The following PIWIL3 variants were observed in gnomAD, a reference collection of about 807,000 sequenced individuals.
PIWIL3 encodes piwi-like protein 3.
Under a neutral mutation model 109.7 loss-of-function variants are expected in PIWIL3, and 101 were observed. The observed-to-expected ratio is 0.92, with a 90% CI of 0.78 to 1.09. The LOEUF is 1.09. Among genes scored for constraint, PIWIL3 ranks in the 50% least tolerant of loss-of-function variants. The pLI, the probability that PIWIL3 is intolerant of heterozygous loss-of-function variation, is 0.00. For synonymous variants in PIWIL3, 373 were observed against 376.4 expected (o/e 0.99, Z 0.10); for missense variants, 1,031 against 1,072.6 (o/e 0.96, Z 0.54).
chr22:24,755,717 T>C, intron 6 of PIWIL3, 67 bp downstream of exon 6: 1 of 1,587,466 alleles, frequency 6.3e-7, no homozygotes, highest in Non-Finnish European at 8.6e-7. Context: ...CAAATGGCTG[T>C]ATTCCACACC....
chr22:24,734,245 T>C (rs940152225), intron 13 of PIWIL3, 89 bp from the exon 14 acceptor site: 4 of 1,514,546 alleles, frequency 2.6e-6, no homozygotes, highest in Non-Finnish European at 3.5e-6. Flanking sequence ...AAGTAAGACA[T>C]GATAAAATAC....
At chr22:24,767,913 T>G (rs1467133775) in intron 1 of PIWIL3, among the ~76,000 whole-genome samples, 1 of 152,176 alleles carries the variant, frequency 6.6e-6, no homozygotes, top group East Asian at 1.9e-4. Flanking sequence ...CCAACCTCCT[T>G]TGCCCCTCAC....
chr22:24,761,001 G>C (rs571592101), intron 2 of PIWIL3, among the ~76,000 whole-genome samples: 3 of 152,170 alleles, frequency 2.0e-5, no homozygotes, highest in Admixed American at 2.0e-4. Context: ...AGAAGGGCTT[G>C]AGGTCATGGA....
intron 1 of PIWIL3, among the ~76,000 whole-genome samples, chr22:24,764,141 C>G (rs546876911): frequency 6.6e-6 from 1 of 152,368 alleles, no homozygotes; most frequent in Admixed American, 6.5e-5. Flanking sequence ...CGCCCCCGCC[C>G]CAATTCAATT....
intron 8 of PIWIL3, among the ~76,000 whole-genome samples, chr22:24,753,002 T>TTG (rs1292696413): frequency 3.3e-5 from 5 of 152,242 alleles, no homozygotes; most frequent in African/African-American, 1.2e-4. Flanking sequence ...ATCAGATCTT[T>TTG]TGTCCATTTT....
intron 19 of PIWIL3, among the ~76,000 whole-genome samples, chr22:24,722,879 C>T (rs573667845): frequency 9.9e-5 from 15 of 152,260 alleles, no homozygotes; most frequent in Non-Finnish European, 1.5e-4. Flanking sequence ...TAGGGCCACA[C>T]TGAAGTTAAA....
chr22:24,736,219 G>C (rs1923647917), intron 12 of PIWIL3, among the ~76,000 whole-genome samples: 1 of 152,070 alleles, frequency 6.6e-6, no homozygotes, highest in Admixed American at 6.6e-5. Flanking sequence ...ACCAACTAGG[G>C]TCCTTCCACT....
chr22:24,760,070 A>G (rs1925329590), intron 2 of PIWIL3, 81 bp from the exon 3 acceptor site: 9 of 1,553,958 alleles, frequency 5.8e-6, no homozygotes, highest in African/African-American at 1.4e-5. Context: ...GCAGGGCACA[A>G]GGCAAAGGAA....
intron 14 of PIWIL3, 88 bp from the exon 15 acceptor site, chr22:24,728,462 G>A (rs1923129770): frequency 6.7e-7 from 1 of 1,489,260 alleles, no homozygotes; most frequent in Non-Finnish European, 9.3e-7. Flanking sequence ...AACTTAGGTG[G>A]AAGACTAACA....
chr22:24,758,596 C>T (rs945362342), intron 3 of PIWIL3, among the ~76,000 whole-genome samples: 6 of 152,142 alleles, frequency 3.9e-5, no homozygotes, highest in Admixed American at 2.0e-4. Flanking sequence ...TGAAGGAATA[C>T]GCACACGTTA....
At chr22:24,751,270 C>A in intron 9 of PIWIL3, 117 bp downstream of exon 9, 1 of 1,085,266 alleles carries the variant, frequency 9.2e-7, no homozygotes, top group Non-Finnish European at 1.3e-6. Context: ...GCTATAATCC[C>A]CTAAAAGGAA....
intron 12 of PIWIL3, among the ~76,000 whole-genome samples, chr22:24,740,218 C>CAAAAAAAAAAAAAAAAAAAAAAAAAAA (rs71189272): frequency 9.4e-5 from 6 of 63,890 alleles, no homozygotes; most frequent in African/African-American, 3.7e-4. Flanking sequence ...GAGACTGTCT[C>CAAAAAAAAAAAAAAAAAAAAAAAAAAA]AAAAAAAAAA....
intron 12 of PIWIL3, among the ~76,000 whole-genome samples, chr22:24,739,252 A>G (rs542583674): frequency 6.6e-6 from 1 of 152,286 alleles, no homozygotes; most frequent in African/African-American, 2.4e-5. Context: ...TACTGTCCTT[A>G]TAGACAAGGT....
chr22:24,740,179 C>T (rs899976068), intron 12 of PIWIL3, among the ~76,000 whole-genome samples: 6 of 136,220 alleles, frequency 4.4e-5, no homozygotes, highest in Non-Finnish European at 9.3e-5. Flanking sequence ...GATCGTGCCA[C>T]CACTGCACTC....
intron 12 of PIWIL3, among the ~76,000 whole-genome samples, chr22:24,737,724 A>C (rs572151047): frequency 7.2e-5 from 11 of 152,266 alleles, no homozygotes; most frequent in African/African-American, 2.2e-4. Flanking sequence ...GCTGCCCTGA[A>C]GGGTAAGTCC....
intron 14 of PIWIL3, among the ~76,000 whole-genome samples, chr22:24,730,727 G>A (rs767794942): frequency 2.6e-5 from 4 of 152,050 alleles, no homozygotes; most frequent in African/African-American, 4.8e-5. Context: ...GGTTTAGATC[G>A]GATTAATGCA....
At chr22:24,747,353 C>T (rs1924433447) in intron 12 of PIWIL3, among the ~76,000 whole-genome samples, 1 of 152,106 alleles carries the variant, frequency 6.6e-6, no homozygotes. Flanking sequence ...TATGAAACCA[C>T]TACAAGAAAA....
At chr22:24,731,535 C>T (rs1923348837) in intron 14 of PIWIL3, among the ~76,000 whole-genome samples, 1 of 151,916 alleles carries the variant, frequency 6.6e-6, no homozygotes, top group African/African-American at 2.4e-5. Flanking sequence ...CCTGTAGTCC[C>T]AGCTACTTGG....
At chr22:24,770,350 G>A (rs1331084631) in intron 1 of PIWIL3, among the ~76,000 whole-genome samples, 1 of 152,174 alleles carries the variant, frequency 6.6e-6, no homozygotes, top group Non-Finnish European at 1.5e-5. Context: ...TAATATGACT[G>A]AGCAGCTCAG....
Sources: gnomAD v4.1 joint callset for allele counts (sites outside exome capture counted in the v4.1 genomes callset) on GRCh38, gnomAD v4.1.1 for gene constraint, MANE v1.5 for transcripts, NCBI Gene and HGNC (gene_info 2026-07-23, HGNC 2026-07-21) for gene names.